The following OSBPL1A variants were observed in gnomAD, a reference collection of about 807,000 sequenced individuals.
The protein encoded by OSBPL1A is oxysterol-binding protein-related protein 1.
In OSBPL1A, 80 loss-of-function variants were observed where a neutral mutation model predicts 137.1. The ratio of observed to expected loss-of-function variants is 0.58; its 90% confidence interval spans 0.49 to 0.70. The LOEUF (loss-of-function observed/expected upper bound fraction) is 0.70. OSBPL1A is among the 30% of genes least tolerant of loss of function. The pLI is 0.00. For missense variants in OSBPL1A, 970 were observed against 1,129.4 expected (o/e 0.86, Z 2.02); for synonymous variants, 365 against 389.7 (o/e 0.94, Z 0.75).
chr18:24,231,442 A>G (rs1185265753), intron 16 of OSBPL1A, among the ~76,000 whole-genome samples: 1 of 151,926 alleles, frequency 6.6e-6, no homozygotes, highest in Non-Finnish European at 1.5e-5. Context: ...ACAGGCGCCC[A>G]CCACCACGCC....
chr18:24,164,813 AG>A (rs1200405428), intron 27 of OSBPL1A, among the ~76,000 whole-genome samples: 8 of 152,250 alleles, frequency 5.3e-5, no homozygotes, highest in Non-Finnish European at 8.8e-5. Context: ...AATGTATCAA[AG>A]GGATACCTGC....
chr18:24,167,416 C>A lies in OSBPL1A; in HGVS notation c.2448G>T (p.Met816Ile). Reference protein sequence around the residue: ...QMSTSEELDEMPVPDSESVFI... With the variant: ...QMSTSEELDEIPVPDSESVFI... ...ATACACTTTCAGAATCCGGCACTGG[C>A]ATTTCATCCAACTCCTCAGAGGTGC... Residue 816 changes from methionine to isoleucine, a missense_variant, in exon 25 of 28, where the codon ATG (methionine) becomes ATT (isoleucine). Met to Ile is a conservative substitution (Grantham distance 10). Transcript: ENST00000319481. The A allele has an allele frequency of 6.2e-7, 1 of 1,614,186 alleles. No individual in the cohort carries two copies. Among genetic ancestry groups the A allele is most frequent in the Non-Finnish European group, 8.5e-7 (1 of 1,180,024 alleles).
chr18:24,263,375 C>T (rs1433728865), intron 15 of OSBPL1A, among the ~76,000 whole-genome samples: 1 of 152,168 alleles, frequency 6.6e-6, no homozygotes, highest in African/African-American at 2.4e-5. Context: ...CTGAACAACA[C>T]ACTTAAAAAT....
intron 17 of OSBPL1A, among the ~76,000 whole-genome samples, chr18:24,204,938 A>T (rs1026568527): frequency 3.9e-5 from 6 of 152,204 alleles, no homozygotes; most frequent in African/African-American, 1.2e-4. Context: ...AGGCGTTTTT[A>T]AAAAAGCAAC....
rs145713636 is a variant in OSBPL1A, at chr18:24,361,928, C to T, written c.282+4964G>A. 3.9e-3 allele frequency among the ~76,000 whole-genome samples: 548 copies of T among 140,954 alleles called. 3 individuals carry two copies. Among genetic ancestry groups the T allele is most frequent in the Middle Eastern group, 0.012 (3 of 260 alleles). 92.5% of individuals were successfully genotyped at this position (140,954 alleles called of 152,430 possible). A position where few individuals can be genotyped will look rare whatever the true frequency, so the allele number is the denominator to read the frequency against. On this transcript the variant is annotated intron_variant, in intron 4 of 27. Transcript: ENST00000319481. ...AGGAGAATCACTTGAACCCGAGAGG[C>T]GGAGATTGCAGTGAAGTGAGATCGT...
At chr18:24,283,239 T>C (rs1329156131) in intron 14 of OSBPL1A, among the ~76,000 whole-genome samples, 5 of 116,744 alleles carry the variant, frequency 4.3e-5, no homozygotes, top group Admixed American at 2.4e-4. Context: ...CACTCCAGCC[T>C]GGGAGACAGA....
chr18:24,167,246 G>C, intron 25 of OSBPL1A, 83 bp downstream of exon 25: 1 of 1,300,956 alleles, frequency 7.7e-7, no homozygotes, highest in Non-Finnish European at 1.1e-6. Context: ...CATGCTGCCT[G>C]GGCCGACCCT....
At chr18:24,267,333 G>T (rs957978019) in intron 15 of OSBPL1A, among the ~76,000 whole-genome samples, 1 of 151,700 alleles carries the variant, frequency 6.6e-6, no homozygotes, top group Middle Eastern at 3.2e-3. Flanking sequence ...CAAAGATAAG[G>T]TGGTTTTATA....
intron 17 of OSBPL1A, among the ~76,000 whole-genome samples, chr18:24,223,902 T>G (rs1567956996): frequency 6.6e-6 from 1 of 152,200 alleles, no homozygotes; most frequent in Non-Finnish European, 1.5e-5. Context: ...TGTCTTCTCT[T>G]TAGAGATTGG....
At chr18:24,164,902 TA>T (rs1224742236) in intron 27 of OSBPL1A, among the ~76,000 whole-genome samples, 162 bp downstream of exon 27, 3 of 152,222 alleles carry the variant, frequency 2.0e-5, no homozygotes, top group Non-Finnish European at 4.4e-5. Context: ...GATGAATGGA[TA>T]AAAGTCAGTG....
chr18:24,223,944 A>G (rs1424126414), intron 17 of OSBPL1A, among the ~76,000 whole-genome samples: 1 of 152,166 alleles, frequency 6.6e-6, no homozygotes, highest in Non-Finnish European at 1.5e-5. Context: ...TAAGTATTTC[A>G]TGTCTTAAAT....
chr18:24,271,454 C>T lies in OSBPL1A; in HGVS notation c.1281+9388G>A. The T allele has an allele frequency of 1.4e-6, 1 of 706,374 alleles. No individual in the cohort carries two copies. Among genetic ancestry groups the T allele is most frequent in the Non-Finnish European group, 1.7e-6 (1 of 574,864 alleles). 43.8% of individuals were successfully genotyped at this position (706,374 alleles called of 1,614,324 possible). A position where few individuals can be genotyped will look rare whatever the true frequency, so the allele number is the denominator to read the frequency against. On this transcript the variant is annotated intron_variant, in intron 15 of 27. Coordinates refer to ENST00000319481, the MANE Select transcript of OSBPL1A (RefSeq NM_080597.4). This position sits in a 1 kb window ranked among gnomAD's most constrained non-coding sequence, Gnocchi z 4.0. ...GGTCTCCCGGCTGGTGCGCCCCTCC[C>T]CACGCGCCCGCGGCTGCACCCCACT...
intron 12 of OSBPL1A, among the ~76,000 whole-genome samples, chr18:24,313,048 A>G (rs939100132): frequency 6.6e-6 from 1 of 151,748 alleles, no homozygotes; most frequent in African/African-American, 2.4e-5. Flanking sequence ...TGCTTGAACC[A>G]GAAAGGCAGA....
chr18:24,386,926 C>T (rs548434800), intron 1 of OSBPL1A, among the ~76,000 whole-genome samples: 10 of 151,966 alleles, frequency 6.6e-5, no homozygotes, highest in South Asian at 4.2e-4. Flanking sequence ...CATTGCACTC[C>T]GGCCTGTGTG....
chr18:24,263,121 G>C (rs1164438848), intron 15 of OSBPL1A, among the ~76,000 whole-genome samples: 2 of 152,052 alleles, frequency 1.3e-5, no homozygotes, highest in Non-Finnish European at 2.9e-5. Context: ...TTAGAATTTT[G>C]ATATTTTATT....
At chr18:24,219,863 C>T (rs2087829299) in intron 17 of OSBPL1A, among the ~76,000 whole-genome samples, 1 of 152,186 alleles carries the variant, frequency 6.6e-6, no homozygotes, top group Non-Finnish European at 1.5e-5. Flanking sequence ...AATCTAGACT[C>T]AGGCTGCCTT....
At chr18:24,393,885 A>G (rs992672945) in intron 1 of OSBPL1A, among the ~76,000 whole-genome samples, 1 of 152,228 alleles carries the variant, frequency 6.6e-6, no homozygotes, top group African/African-American at 2.4e-5. Flanking sequence ...AAAAAGCTTT[A>G]TTTATTAACT....
intron 17 of OSBPL1A, among the ~76,000 whole-genome samples, chr18:24,205,845 T>C (rs1328750327): frequency 8.5e-5 from 13 of 152,122 alleles, no homozygotes; most frequent in African/African-American, 3.1e-4. Context: ...AAGCAGAAAA[T>C]GAAATGGTTT....
chr18:24,310,457 C>G (rs1343926442), intron 13 of OSBPL1A, among the ~76,000 whole-genome samples: 1 of 124,180 alleles, frequency 8.1e-6, no homozygotes, highest in Non-Finnish European at 1.7e-5. Flanking sequence ...AAAAAATTAG[C>G]CAGGTGCGGT....
Sources: allele counts gnomAD v4.1 joint callset (sites outside exome capture counted in the v4.1 genomes callset), GRCh38; gene constraint gnomAD v4.1.1; non-coding constraint Gnocchi (gnomAD v3.1); transcripts MANE v1.5; gene names NCBI Gene and HGNC (gene_info 2026-07-23, HGNC 2026-07-21).